The following TMPRSS7 variants were observed in gnomAD, a reference collection of about 807,000 sequenced individuals.
The protein encoded by TMPRSS7 is transmembrane serine protease 7, also known as transmembrane protease serine 7.
Under a neutral mutation model 95.6 loss-of-function variants are expected in TMPRSS7, and 81 were observed. The ratio of observed to expected loss-of-function variants is 0.85; its 90% CI spans 0.71 to 1.02. The LOEUF is 1.02. TMPRSS7 is among the 50% of genes least tolerant of loss of function. The pLI, the probability that TMPRSS7 is intolerant of heterozygous loss-of-function variation, is 0.00. For synonymous variants in TMPRSS7, 364 were observed against 337.8 expected (o/e 1.08, Z -0.85); for missense variants, 945 against 955.2 (o/e 0.99, Z 0.14).
chr3:112,064,441 T>G (rs921713812), intron 12 of TMPRSS7, among the ~76,000 whole-genome samples: 2 of 152,126 alleles, frequency 1.3e-5, no homozygotes, highest in Non-Finnish European at 2.9e-5. Flanking sequence ...CTTGTCTTCC[T>G]GGACTCAAGC....
chr3:112,076,510 A>G (rs188490797), intron 15 of TMPRSS7, among the ~76,000 whole-genome samples: 1 of 152,336 alleles, frequency 6.6e-6, no homozygotes, highest in East Asian at 1.9e-4. Context: ...ATCAAATGCC[A>G]TTGTCAGCAT....
intron 9 of TMPRSS7, among the ~76,000 whole-genome samples, chr3:112,056,117 C>T (rs997222306): frequency 6.6e-6 from 1 of 152,032 alleles, no homozygotes; most frequent in Non-Finnish European, 1.5e-5. Context: ...TCATTCATGA[C>T]AGAGATAGTG....
At chr3:112,048,868 A>C (rs1175357009) in intron 7 of TMPRSS7, among the ~76,000 whole-genome samples, 2 of 152,132 alleles carry the variant, frequency 1.3e-5, no homozygotes, top group African/African-American at 4.8e-5. Flanking sequence ...GGAGCATACT[A>C]TTATTATTAC....
exon 16 of TMPRSS7, chr3:112,076,923 A>G (rs1297769389): frequency 1.9e-6 from 3 of 1,614,210 alleles, no homozygotes; most frequent in South Asian, 1.1e-5. Flanking sequence ...ATGTATGTTC[A>G]GGGGAATGCC....
At chr3:112,062,017 C>T in intron 11 of TMPRSS7, 94 bp downstream of exon 11, 1 of 932,578 alleles carries the variant, frequency 1.1e-6, no homozygotes, top group Non-Finnish European at 1.5e-6. Flanking sequence ...GAAATGAATA[C>T]TGCTTTATTT....
At chr3:112,052,810 C>T (rs1342846762) in intron 9 of TMPRSS7, among the ~76,000 whole-genome samples, 1 of 152,010 alleles carries the variant, frequency 6.6e-6, no homozygotes, top group Non-Finnish European at 1.5e-5. Context: ...TCTTAATAAT[C>T]CATAGCCTTA....
chr3:112,058,759 A>T (rs1276023891), intron 10 of TMPRSS7, among the ~76,000 whole-genome samples: 2 of 152,038 alleles, frequency 1.3e-5, no homozygotes, highest in African/African-American at 4.8e-5. Flanking sequence ...CACAACAACG[A>T]CCCGGGATGT....
chr3:112,069,600 A>G (rs1001093085), intron 13 of TMPRSS7, among the ~76,000 whole-genome samples: 2 of 152,132 alleles, frequency 1.3e-5, no homozygotes, highest in African/African-American at 4.8e-5. Flanking sequence ...TAGATTTTCT[A>G]GTTTATTTGC....
In TMPRSS7 at chr3:112,075,988, A is replaced by G. The variant is rs16859145; in HGVS notation, c.1955+496A>G. Among the ~76,000 whole-genome samples the G allele has an allele frequency of 9.7e-3, 1,471 of 152,344 alleles. 42 individuals carry two copies. Among genetic ancestry groups the G allele is most frequent in the East Asian group, 0.062 (321 of 5,186 alleles). ...GCATTTTTTTTTTAGTATTTCAATGAAGTTACACAGTTTGGATATTTGTTT... is the reference window on the plus strand; with the variant it reads ...GCATTTTTTTTTTAGTATTTCAATGGAGTTACACAGTTTGGATATTTGTTT... On this transcript the variant is annotated intron_variant, in intron 15 of 17. Transcript: ENST00000452346.
At chr3:112,080,712 A>C (rs376986116) in intron 17 of TMPRSS7, among the ~76,000 whole-genome samples, 35 of 152,322 alleles carry the variant, frequency 2.3e-4, no homozygotes, top group Non-Finnish European at 4.0e-4. Flanking sequence ...TAATGAATGC[A>C]GCTGTTTGAT....
chr3:112,065,746 T>C (rs957796431), intron 12 of TMPRSS7, among the ~76,000 whole-genome samples: 2 of 152,236 alleles, frequency 1.3e-5, no homozygotes, highest in Non-Finnish European at 1.5e-5. Flanking sequence ...TAAGGAATCA[T>C]ACTTTCTAAA....
chr3:112,081,269 G>C, downstream of TMPRSS7: 1 of 118,816 alleles, frequency 8.4e-6, no homozygotes. Flanking sequence ...TGTCTCTACT[G>C]AAAAAAAAAA....
chr3:112,055,451 G>A (rs1488841081), intron 9 of TMPRSS7, among the ~76,000 whole-genome samples: 4 of 47,342 alleles, frequency 8.4e-5, no homozygotes, highest in Admixed American at 3.0e-4. Context: ...AAACACTTGC[G>A]CAGACACACA....
chr3:112,071,315 G>T (rs185063597), intron 13 of TMPRSS7, among the ~76,000 whole-genome samples: 1 of 152,160 alleles, frequency 6.6e-6, no homozygotes, highest in East Asian at 1.9e-4. Context: ...CGAGAGATCC[G>T]CTGTTAGTTT....
At chr3:112,073,140 G>A (rs1384409206) in intron 13 of TMPRSS7, among the ~76,000 whole-genome samples, 1 of 146,694 alleles carries the variant, frequency 6.8e-6, no homozygotes. Flanking sequence ...TGCCCAGGCT[G>A]GAGTGCAGTG....
chr3:112,042,103 G>A, intron 3 of TMPRSS7, 53 bp downstream of exon 3: 2 of 1,459,674 alleles, frequency 1.4e-6, no homozygotes, highest in Non-Finnish European at 1.9e-6. Flanking sequence ...GCGGGGAGGT[G>A]GGGGATGAAG....
At chr3:112,049,958 G>T in exon 8 of TMPRSS7, 1 of 1,567,600 alleles carries the variant, frequency 6.4e-7, no homozygotes, top group Non-Finnish European at 8.7e-7. Context: ...CATATTTTGA[G>T]GTCATTCCAG....
At chr3:112,049,386 T>C (rs541787779) in intron 7 of TMPRSS7, among the ~76,000 whole-genome samples, 10 of 152,346 alleles carry the variant, frequency 6.6e-5, no homozygotes, top group African/African-American at 2.4e-4. Flanking sequence ...TTGTTTAAAA[T>C]GCCAAGGACC....
intron 11 of TMPRSS7, among the ~76,000 whole-genome samples, chr3:112,063,221 A>G (rs57621014): frequency 0.033 from 5,027 of 152,310 alleles, 252 homozygotes; most frequent in African/African-American, 0.1. Context: ...TTCTTCAGGT[A>G]TATGACAAAG....
Sources: allele counts gnomAD v4.1 joint callset (sites outside exome capture counted in the v4.1 genomes callset), GRCh38; gene constraint gnomAD v4.1.1; transcripts MANE v1.5; gene names NCBI Gene and HGNC (gene_info 2026-07-23, HGNC 2026-07-21).